Variants in CLIC5 observed in about 807,000 individuals in gnomAD.
CLIC5 encodes CLIC family member 5.
A neutral mutation model predicts 24.7 loss-of-function variants in CLIC5; 20 were observed. The observed-to-expected ratio is 0.81, with a 90% CI of 0.57 to 1.18. The LOEUF (loss-of-function observed/expected upper bound fraction) is 1.18. Ranked by LOEUF, CLIC5 falls within the 50% of genes most tolerant of loss-of-function variation. The pLI, the probability that CLIC5 is intolerant of heterozygous loss-of-function variation, is 0.00. For synonymous variants in CLIC5, 159 were observed against 135.6 expected (o/e 1.17, Z -1.20); for missense variants, 341 against 326.1 (o/e 1.05, Z -0.35).
At chr6:46,030,819 C>T (rs796961167) in intron 1 of CLIC5, among the ~76,000 whole-genome samples, 8 of 152,342 alleles carry the variant, frequency 5.3e-5, no homozygotes, top group African/African-American at 1.9e-4. Context: ...CTGTGCAAAC[C>T]TCTACTCTTG....
At chr6:46,032,181 C>T (rs1044124079) in intron 1 of CLIC5, among the ~76,000 whole-genome samples, 3 of 152,052 alleles carry the variant, frequency 2.0e-5, no homozygotes, top group African/African-American at 7.2e-5. Flanking sequence ...AGAAAGGAGG[C>T]ATGGCTTACA....
At chr6:46,020,218 T>G (rs1451755411), upstream of CLIC5, among the ~76,000 whole-genome samples, 1 of 152,182 alleles carries the variant, frequency 6.6e-6, no homozygotes, top group Non-Finnish European at 1.5e-5. Context: ...AATGAAATTA[T>G]ACAAAGTATG....
intron 1 of CLIC5, among the ~76,000 whole-genome samples, chr6:46,061,120 G>A (rs1762254453): frequency 6.6e-6 from 1 of 152,312 alleles, no homozygotes; most frequent in African/African-American, 2.4e-5. Flanking sequence ...TATGGAATAA[G>A]AACTCACCAC....
chr6:46,052,723 G>T (rs1768138855), intron 1 of CLIC5, among the ~76,000 whole-genome samples: 1 of 152,040 alleles, frequency 6.6e-6, no homozygotes. Context: ...CCAGCTCTGT[G>T]CAGTGCACTG....
chr6:45,929,658 C>A (rs922817495), intron 4 of CLIC5, among the ~76,000 whole-genome samples: 2 of 152,250 alleles, frequency 1.3e-5, no homozygotes, highest in African/African-American at 4.8e-5. Flanking sequence ...CTGTGGAGGT[C>A]GGCCTGACCA....
intron 3 of CLIC5, among the ~76,000 whole-genome samples, chr6:45,942,643 C>T (rs113703709): frequency 1.3e-5 from 2 of 152,160 alleles, no homozygotes; most frequent in African/African-American, 2.4e-5. Flanking sequence ...AAGCAAAATC[C>T]TTTTTGTTTG....
At chr6:46,064,093 A>G (rs962325104) in intron 1 of CLIC5, among the ~76,000 whole-genome samples, 2 of 152,184 alleles carry the variant, frequency 1.3e-5, no homozygotes, top group African/African-American at 4.8e-5. Context: ...CAAAATTAGT[A>G]TATAAGGACA....
At chr6:46,099,525 A>T in the CLIC5 span, among the ~76,000 whole-genome samples, 4 of 152,342 alleles carry the variant, frequency 2.6e-5, no homozygotes, top group Non-Finnish European at 4.4e-5. Flanking sequence ...TCAGAAATGG[A>T]CATGCACAAA....
chr6:45,906,406 T>A (rs999020256), intron 5 of CLIC5, among the ~76,000 whole-genome samples: 3 of 152,134 alleles, frequency 2.0e-5, no homozygotes, highest in Non-Finnish European at 4.4e-5. Flanking sequence ...GTTTTATAGC[T>A]CCCCTTGTAG....
chr6:46,004,334 C>G (rs868538459), intron 1 of CLIC5, among the ~76,000 whole-genome samples: 1 of 152,176 alleles, frequency 6.6e-6, no homozygotes, highest in African/African-American at 2.4e-5. Context: ...TGACACTTCC[C>G]AGCTTCCCTT....
chr6:46,047,678 C>A (rs1185846298), intron 1 of CLIC5, among the ~76,000 whole-genome samples: 1 of 152,150 alleles, frequency 6.6e-6, no homozygotes, highest in Non-Finnish European at 1.5e-5. Context: ...TGTAGTACTT[C>A]TATAAACAGT....
At chr6:45,984,333 T>G (rs1344552027) in intron 1 of CLIC5, among the ~76,000 whole-genome samples, 1 of 152,210 alleles carries the variant, frequency 6.6e-6, no homozygotes, top group Non-Finnish European at 1.5e-5. Context: ...ATGCCAGTAC[T>G]GTCACCTGTG....
intron 1 of CLIC5, among the ~76,000 whole-genome samples, chr6:46,060,193 C>A (rs1356571250): frequency 1.3e-5 from 2 of 152,116 alleles, no homozygotes; most frequent in Non-Finnish European, 2.9e-5. Flanking sequence ...TGAAGCAGAT[C>A]CTGTCCAGGG....
In CLIC5 at chr6:46,080,183, CT is replaced by C; in HGVS notation, c.59del (p.Glu20GlyfsTer21). ...CATTTTCTTCTGGCTGGTCTGGAAC[CT>C]CATACGTCCTCTCATTTTGGATTGT... On this transcript the variant is annotated frameshift_variant, in exon 1 of 6. Coordinates refer to the CLIC5 transcript ENST00000185206. LOFTEE classifies it high-confidence loss of function. The C allele has an allele frequency of 6.4e-7, 1 of 1,551,652 alleles. No individual in the cohort carries two copies. The highest frequency in any genetic ancestry group is 8.7e-7 in the Non-Finnish European group (1 of 1,146,974).
intron 2 of CLIC5, among the ~76,000 whole-genome samples, chr6:45,949,716 G>A (rs1315738856): frequency 6.6e-6 from 1 of 152,134 alleles, no homozygotes; most frequent in Non-Finnish European, 1.5e-5. Context: ...GTGGGGTTTT[G>A]CTTTTAAAAG....
At chr6:46,094,284 T>C in the CLIC5 span, among the ~76,000 whole-genome samples, 1 of 152,206 alleles carries the variant, frequency 6.6e-6, no homozygotes, top group Non-Finnish European at 1.5e-5. Context: ...CATATCCTGG[T>C]AATATTTCAA....
chr6:46,071,889 T>C (rs1562036633), intron 1 of CLIC5, among the ~76,000 whole-genome samples: 1 of 152,134 alleles, frequency 6.6e-6, no homozygotes, highest in Non-Finnish European at 1.5e-5. Flanking sequence ...ATATATACCA[T>C]GGAATACTAT....
chr6:46,021,811 C>G (rs1767192958), intron 1 of CLIC5, among the ~76,000 whole-genome samples: 1 of 152,206 alleles, frequency 6.6e-6, no homozygotes, highest in South Asian at 2.1e-4. Context: ...AAAGGGGCAG[C>G]TTTCAGCTGA....
At chr6:46,077,045 C>T (rs1762789352) in intron 1 of CLIC5, among the ~76,000 whole-genome samples, 1 of 151,758 alleles carries the variant, frequency 6.6e-6, no homozygotes, top group Admixed American at 6.6e-5. Context: ...GCAGAGGTTG[C>T]AGTGAGCTGC....
Sources: allele counts gnomAD v4.1 joint callset (sites outside exome capture counted in the v4.1 genomes callset), GRCh38; gene constraint gnomAD v4.1.1; transcripts MANE v1.5; gene names NCBI Gene and HGNC (gene_info 2026-07-23, HGNC 2026-07-21).